Variants in THEMIS observed in about 807,000 individuals in gnomAD.
THEMIS encodes thymocyte selection associated, also known as protein THEMIS.
A neutral mutation model predicts 52.6 loss-of-function variants in THEMIS; 37 were observed. The ratio of observed to expected loss-of-function variants is 0.70; its 90% CI spans 0.54 to 0.93. The LOEUF (loss-of-function observed/expected upper bound fraction) is 0.93, where lower values mean the gene tolerates loss of function less well. THEMIS is among the 40% of genes least tolerant of loss of function. The pLI, the probability that THEMIS is intolerant of heterozygous loss-of-function variation, is 0.00. For missense variants in THEMIS, 808 were observed against 763.1 expected, an observed-to-expected ratio of 1.06 and a Z score of -0.69; for synonymous variants, 292 against 272.7, an observed-to-expected ratio of 1.07 and a Z score of -0.70.
intron 4 of THEMIS, among the ~76,000 whole-genome samples, chr6:127,765,685 T>C (rs1000343323): frequency 2.6e-5 from 4 of 152,044 alleles, no homozygotes; most frequent in Non-Finnish European, 5.9e-5. Flanking sequence ...TAGATAAGTT[T>C]AGATACACAA....
intron 4 of THEMIS, among the ~76,000 whole-genome samples, chr6:127,738,397 C>T (rs184992402): frequency 6.6e-6 from 1 of 151,978 alleles, no homozygotes; most frequent in African/African-American, 2.4e-5. Flanking sequence ...CATGGAAAGG[C>T]CTTAGTGTGG....
At chr6:127,824,371 T>C (rs1778434902) in intron 3 of THEMIS, among the ~76,000 whole-genome samples, 1 of 151,954 alleles carries the variant, frequency 6.6e-6, no homozygotes, top group Non-Finnish European at 1.5e-5. Context: ...TCTTCTTAGG[T>C]GAAACTGAAC....
At chr6:127,801,676 G>C (rs541362885) in intron 4 of THEMIS, among the ~76,000 whole-genome samples, 57 of 152,258 alleles carry the variant, frequency 3.7e-4, no homozygotes, top group Non-Finnish European at 7.2e-4. Context: ...CTTTGTCTGA[G>C]GAGATAAACC....
intron 4 of THEMIS, among the ~76,000 whole-genome samples, chr6:127,722,011 T>C (rs1279455797): frequency 2.6e-5 from 4 of 152,050 alleles, no homozygotes; most frequent in East Asian, 3.9e-4. Flanking sequence ...AAAAGGATTG[T>C]TGTGAAAACC....
chr6:127,714,705 C>T (rs977563012), intron 5 of THEMIS, among the ~76,000 whole-genome samples: 2 of 151,934 alleles, frequency 1.3e-5, no homozygotes, highest in Admixed American at 1.3e-4. Context: ...GGGTCTGTCT[C>T]ATTGCAAAAC....
chr6:127,773,813 T>G (rs759627812), intron 4 of THEMIS, among the ~76,000 whole-genome samples: 11 of 152,178 alleles, frequency 7.2e-5, no homozygotes, highest in Non-Finnish European at 1.3e-4. Context: ...AAATAAAAAA[T>G]AGCAAATTTA....
intron 5 of THEMIS, among the ~76,000 whole-genome samples, chr6:127,711,614 T>C (rs1773985135): frequency 6.6e-6 from 1 of 152,004 alleles, no homozygotes; most frequent in African/African-American, 2.4e-5. Context: ...TTTTAGATCT[T>C]TCTTATATGA....
At position 127,830,858 on chromosome 6, in the gene THEMIS, C is replaced by A. The variant is rs921706893; in HGVS notation, c.251-924G>T. ...TTTTACCACAGTGAAAAAGTATGTGCATAGGTCCAAATAATGTAAGACTTC... is the reference window on the plus strand; with the variant it reads ...TTTTACCACAGTGAAAAAGTATGTGAATAGGTCCAAATAATGTAAGACTTC... On this transcript the variant is annotated intron_variant, in intron 2 of 5. Transcript: ENST00000368248. Among the ~76,000 whole-genome samples, 15 of 152,104 alleles carry A rather than the reference C, an allele frequency of 9.9e-5. 1 individual carries two copies. Among genetic ancestry groups the A allele is most frequent in the Admixed American group, 4.6e-4 (7 of 15,278 alleles).
At position 127,714,111 on chromosome 6, in the gene THEMIS, T is replaced by C. The variant is rs537622318; in HGVS notation, c.1895-4095A>G. Among the ~76,000 whole-genome samples, 20 of 151,964 alleles carry C rather than the reference T, an allele frequency of 1.3e-4. No homozygotes were observed. In the South Asian group the frequency reaches 4.1e-3, roughly 32 times the overall value. ...GAGTGGTGTGATAAGTGAGAAGAAA[T>C]GAAAGGTTGTTCACAATTCTTCTAG... is the stretch of plus-strand genomic sequence containing the variant. On this transcript the variant is annotated intron_variant, in intron 5 of 5. Coordinates refer to ENST00000368248, the MANE Select transcript of THEMIS (RefSeq NM_001010923.3).
At chr6:127,711,101 T>C (rs893883576) in intron 5 of THEMIS, among the ~76,000 whole-genome samples, 6 of 151,712 alleles carry the variant, frequency 4.0e-5, no homozygotes, top group Admixed American at 3.3e-4. Flanking sequence ...CTTTTCTTCT[T>C]TGAATTATTT....
chr6:127,733,975 A>G (rs1774897078), intron 4 of THEMIS, among the ~76,000 whole-genome samples: 1 of 152,208 alleles, frequency 6.6e-6, no homozygotes. Context: ...TTTCTGCATG[A>G]GTGGCTGTAT....
At chr6:127,866,372 T>C (rs1358665977) in intron 1 of THEMIS, among the ~76,000 whole-genome samples, 1 of 152,152 alleles carries the variant, frequency 6.6e-6, no homozygotes. Context: ...CATCATTGTA[T>C]AGTTATGCTA....
Position 127,862,428 on chromosome 6 carries a change from A to ATTTTTTTTTTTTTTTTTTTTTTTTTTTT in THEMIS, c.92-7241_92-7240insAAAAAAAAAAAAAAAAAAAAAAAAAAAA, listed in dbSNP as rs71028110. On this transcript the variant is annotated intron_variant, in intron 1 of 5. Transcript: ENST00000368248. ...GCAGGTGAAATCTCCTAGGGAGTAA[A>ATTTTTTTTTTTTTTTTTTTTTTTTTTTT]TTTTTTTTTTTTTTTTTTTTTTGCT... is the stretch of plus-strand genomic sequence containing the variant. Among the ~76,000 whole-genome samples, 31 of 72,788 alleles carry ATTTTTTTTTTTTTTTTTTTTTTTTTTTT rather than the reference A, an allele frequency of 4.3e-4. 5 individuals carry two copies. The highest frequency in any genetic ancestry group is 5.6e-4 in the Non-Finnish European group (20 of 35,418). 47.8% of individuals were successfully genotyped at this position (72,788 alleles called of 152,430 possible). A position where few individuals can be genotyped will look rare whatever the true frequency, so the allele number is the denominator to read the frequency against.
At chr6:127,768,956 A>C (rs1776287008) in intron 4 of THEMIS, among the ~76,000 whole-genome samples, 1 of 152,224 alleles carries the variant, frequency 6.6e-6, no homozygotes, top group South Asian at 2.1e-4. Flanking sequence ...CTGAGACAAC[A>C]TAGTGTTGAG....
intron 4 of THEMIS, among the ~76,000 whole-genome samples, chr6:127,721,841 A>G (rs977568635): frequency 4.6e-5 from 7 of 152,040 alleles, no homozygotes; most frequent in African/African-American, 1.7e-4. Flanking sequence ...GAACTGAGCA[A>G]TGCAATAGAT....
At chr6:127,851,060 AT>A (rs1779406450) in intron 2 of THEMIS, among the ~76,000 whole-genome samples, 1 of 151,640 alleles carries the variant, frequency 6.6e-6, no homozygotes, top group Admixed American at 6.6e-5. Context: ...GATAACGTAA[AT>A]CAAATGTGAA....
At position 127,829,486 on chromosome 6, in the gene THEMIS, A is replaced by T; in HGVS notation, c.699T>A (p.Gly233=). ...LILKPVYEIQ[G]VMKFRKDIIR... ...TCAGTGGATACTCACATTTCATCACACCTTGAATTTCATAAACAGGCTTGA... is the reference window on the plus strand; with the variant it reads ...TCAGTGGATACTCACATTTCATCACTCCTTGAATTTCATAAACAGGCTTGA... The change falls in exon 3 of 6, where the codon GGT becomes GGA. Residue 233 remains glycine, a synonymous_variant. Coordinates refer to ENST00000368248, the MANE Select transcript of THEMIS (RefSeq NM_001010923.3). 6.2e-7 allele frequency: 1 copy of T among 1,602,236 alleles called. No homozygotes were observed. The highest frequency in any genetic ancestry group is 8.5e-7 in the Non-Finnish European group (1 of 1,174,834).
At chr6:127,706,059 A>G (rs1410112615), downstream of THEMIS, among the ~76,000 whole-genome samples, 1 of 152,140 alleles carries the variant, frequency 6.6e-6, no homozygotes, top group East Asian at 1.9e-4. Flanking sequence ...CTGTGCTTCT[A>G]GGGAACCTGA....
chr6:127,782,630 A>C, intron 4 of THEMIS, among the ~76,000 whole-genome samples: 1 of 152,014 alleles, frequency 6.6e-6, no homozygotes, highest in East Asian at 1.9e-4. Flanking sequence ...GGCTGCACCC[A>C]CTGTCTAATC....
Sources: gnomAD v4.1 joint callset for allele counts (sites outside exome capture counted in the v4.1 genomes callset) on GRCh38, gnomAD v4.1.1 for gene constraint, MANE v1.5 for transcripts, NCBI Gene and HGNC (gene_info 2026-07-23, HGNC 2026-07-21) for gene names.